The following CSMD1 variants were observed in gnomAD, a reference collection of about 807,000 sequenced individuals.
The protein encoded by CSMD1 is CUB and Sushi multiple domains 1.
A neutral mutation model predicts 417.5 loss-of-function variants in CSMD1; 213 were observed. That is an observed-to-expected ratio of 0.51 (90% confidence interval 0.46 to 0.57). CSMD1 has a LOEUF of 0.57. CSMD1 is among the 20% of genes least tolerant of loss of function. The pLI, the probability that CSMD1 is intolerant of heterozygous loss-of-function variation, is 0.00. For synonymous variants in CSMD1, 2,862 were observed against 1,736.8 expected, an observed-to-expected ratio of 1.65 and a Z score of -16.11; for missense variants, 6,923 against 4,529.7, an observed-to-expected ratio of 1.53 and a Z score of -15.17.
chr8:3,556,956 A>C (rs1334919038), intron 10 of CSMD1, among the ~76,000 whole-genome samples: 2 of 152,132 alleles, frequency 1.3e-5, no homozygotes, highest in Non-Finnish European at 2.9e-5. Context: ...TCACTTAGAG[A>C]ACTGCTAAGT....
chr8:4,447,519 C>G (rs1358324555), intron 2 of CSMD1, among the ~76,000 whole-genome samples: 3 of 152,174 alleles, frequency 2.0e-5, no homozygotes, highest in Admixed American at 6.5e-5. Flanking sequence ...TGGAGAGGCT[C>G]TAATCCAAAT....
At chr8:4,754,403 C>A (rs1811537268) in intron 1 of CSMD1, among the ~76,000 whole-genome samples, 1 of 152,116 alleles carries the variant, frequency 6.6e-6, no homozygotes, top group Non-Finnish European at 1.5e-5. Flanking sequence ...AGTGTCATAT[C>A]CCAACTGGGT....
intron 6 of CSMD1, 98 bp downstream of exon 6, chr8:3,753,832 C>G (rs1401439480): frequency 1.4e-6 from 1 of 737,688 alleles, no homozygotes; most frequent in Non-Finnish European, 2.2e-6. Flanking sequence ...AAACCATTTT[C>G]AAGCTATTTA....
intron 5 of CSMD1, among the ~76,000 whole-genome samples, chr8:3,891,133 C>T (rs1806943473): frequency 6.6e-6 from 1 of 151,994 alleles, no homozygotes. Context: ...ATTACAACCT[C>T]CACCTCTTGG....
chr8:4,943,294 G>C (rs1194566573), intron 1 of CSMD1, among the ~76,000 whole-genome samples: 3 of 152,074 alleles, frequency 2.0e-5, no homozygotes, highest in African/African-American at 7.2e-5. Context: ...AGGAGATCAA[G>C]ATCGTCCTGG....
intron 3 of CSMD1, among the ~76,000 whole-genome samples, chr8:4,105,734 C>T (rs1392262278): frequency 1.3e-5 from 2 of 152,198 alleles, no homozygotes; most frequent in Non-Finnish European, 2.9e-5. Flanking sequence ...CCACAGCTTT[C>T]TGGATCGTAG....
chr8:4,975,276 A>G (rs549076635), intron 1 of CSMD1, among the ~76,000 whole-genome samples: 2 of 152,366 alleles, frequency 1.3e-5, no homozygotes, highest in African/African-American at 4.8e-5. Flanking sequence ...CTTATTAAAG[A>G]GAATATCTGC....
At chr8:2,977,513 T>C (rs1805028678) in intron 55 of CSMD1, among the ~76,000 whole-genome samples, 1 of 152,226 alleles carries the variant, frequency 6.6e-6, no homozygotes, top group Admixed American at 6.5e-5. Flanking sequence ...TGATGGGCAC[T>C]TGGGTTGATT....
At chr8:3,835,220 AT>A (rs1457009110) in intron 5 of CSMD1, among the ~76,000 whole-genome samples, 2 of 151,334 alleles carry the variant, frequency 1.3e-5, no homozygotes, top group African/African-American at 4.9e-5. Context: ...ATTACTGGGT[AT>A]ATACCCAAAG....
chr8:4,044,873 T>G (rs1446459799), intron 3 of CSMD1, among the ~76,000 whole-genome samples: 8 of 152,198 alleles, frequency 5.3e-5, no homozygotes, highest in African/African-American at 1.7e-4. Context: ...CATCCTGAAC[T>G]TTGCAGCCCT....
Position 4,920,665 on chromosome 8 carries a change from C to T in CSMD1, c.85+73667G>A, listed in dbSNP as rs147900176. 4.6e-5 allele frequency among the ~76,000 whole-genome samples: 7 copies of T among 151,518 alleles called. No individual in the cohort carries two copies. In the East Asian group the frequency reaches 7.8e-4, roughly 17 times the overall value. ...GGTGAAACCCTGTATTTAGTAAATA[C>T]CAAAAAAATAGCCATGCGTGGGTGG... On this transcript the variant is annotated intron_variant, in intron 1 of 69. Coordinates refer to ENST00000635120, the MANE Select transcript of CSMD1 (RefSeq NM_033225.6).
In CSMD1 at chr8:4,896,450, C is replaced by T. The variant is rs913097284; in HGVS notation, c.85+97882G>A. 2.0e-5 allele frequency among the ~76,000 whole-genome samples: 3 copies of T among 152,156 alleles called. No homozygotes were observed. The East Asian group carries it at 5.8e-4, about 29-fold the overall frequency. ...AATTCTTTTGTTATGGAGCATCTAC[C>T]AGGAAAATGTTGAAACTCTCAAACT... On this transcript the variant is annotated intron_variant, in intron 1 of 69. Transcript: ENST00000635120.
At chr8:3,934,887 A>G (rs746772765) in intron 5 of CSMD1, among the ~76,000 whole-genome samples, 3 of 152,118 alleles carry the variant, frequency 2.0e-5, no homozygotes, top group Non-Finnish European at 2.9e-5. Context: ...CAATTGGTAT[A>G]TCTGTTTGAG....
At chr8:4,952,086 T>C (rs1808790557) in intron 1 of CSMD1, among the ~76,000 whole-genome samples, 1 of 151,728 alleles carries the variant, frequency 6.6e-6, no homozygotes, top group African/African-American at 2.4e-5. Flanking sequence ...GCTGCTATAT[T>C]AATGCATCCC....
At chr8:4,511,753 G>C (rs1276570982) in intron 2 of CSMD1, among the ~76,000 whole-genome samples, 1 of 152,110 alleles carries the variant, frequency 6.6e-6, no homozygotes, top group Non-Finnish European at 1.5e-5. Flanking sequence ...TCATTAGGGG[G>C]CCCATTCATG....
At chr8:4,826,400 G>A (rs1212189086) in intron 1 of CSMD1, among the ~76,000 whole-genome samples, 3 of 152,148 alleles carry the variant, frequency 2.0e-5, no homozygotes, top group Non-Finnish European at 4.4e-5. Flanking sequence ...GCAACAGCAT[G>A]GATGAGCCTG....
chr8:4,323,758 C>T (rs56016527), intron 3 of CSMD1, among the ~76,000 whole-genome samples: 32,766 of 152,156 alleles, frequency 0.22, 5,219 homozygotes, highest in African/African-American at 0.45. Context: ...AAATATCCCC[C>T]CCTTCCCCTG....
chr8:4,650,748 T>C (rs1229491573), intron 1 of CSMD1, among the ~76,000 whole-genome samples: 7 of 152,218 alleles, frequency 4.6e-5, no homozygotes, highest in Admixed American at 3.9e-4. Context: ...AAAATATGTA[T>C]TTTGCCTATT....
chr8:3,358,161 G>C (rs1039166061), intron 21 of CSMD1, among the ~76,000 whole-genome samples: 5 of 152,132 alleles, frequency 3.3e-5, no homozygotes, highest in Non-Finnish European at 5.9e-5. Flanking sequence ...TTTATCTTCA[G>C]ACCTTCCCCA....
Sources: gnomAD v4.1 joint callset for allele counts (sites outside exome capture counted in the v4.1 genomes callset) on GRCh38, gnomAD v4.1.1 for gene constraint, MANE v1.5 for transcripts, NCBI Gene and HGNC (gene_info 2026-07-23, HGNC 2026-07-21) for gene names.